The following PTPRN2 variants were observed in gnomAD, a reference collection of about 807,000 sequenced individuals.
The protein encoded by PTPRN2 is protein tyrosine phosphatase receptor type N2.
A neutral mutation model predicts 118.8 loss-of-function variants in PTPRN2; 74 were observed. That is an observed-to-expected ratio of 0.62 (90% CI 0.52 to 0.76). The LOEUF (loss-of-function observed/expected upper bound fraction) is 0.76, where lower values mean the gene tolerates loss of function less well. Ranked by LOEUF, PTPRN2 falls within the 30% of genes least tolerant of loss-of-function variation. PTPRN2 has a pLI of 0.00. For synonymous variants in PTPRN2, 641 were observed against 608.0 expected (o/e 1.05, Z -0.80); for missense variants, 1,481 against 1,394.4 (o/e 1.06, Z -0.99).
intron 5 of PTPRN2, among the ~76,000 whole-genome samples, chr7:158,188,699 A>C (rs1394650425): frequency 7.9e-6 from 1 of 126,620 alleles, no homozygotes; most frequent in Non-Finnish European, 1.6e-5. Context: ...AAAGGCCGCC[A>C]CGCCCGCCCC....
intron 4 of PTPRN2, 42 bp from the exon 5 acceptor site, chr7:158,192,537 T>A (rs910406154): frequency 1.3e-6 from 2 of 1,554,020 alleles, no homozygotes; most frequent in Non-Finnish European, 1.7e-6. Flanking sequence ...GCATGTTTGC[T>A]GGTGCCTGGA....
chr7:157,758,414 T>C (rs1290629734), intron 12 of PTPRN2, among the ~76,000 whole-genome samples: 2 of 151,988 alleles, frequency 1.3e-5, no homozygotes, highest in Non-Finnish European at 2.9e-5. Context: ...GCGAGGTAGG[T>C]GGCACGAGGC....
At chr7:157,659,017 G>A (rs927382486) in intron 13 of PTPRN2, among the ~76,000 whole-genome samples, 4 of 151,650 alleles carry the variant, frequency 2.6e-5, no homozygotes, top group African/African-American at 7.3e-5. Context: ...CCGGGGTGCC[G>A]GCTTCCTTGT....
At chr7:158,105,472 C>A (rs1815610918) in intron 10 of PTPRN2, among the ~76,000 whole-genome samples, 1 of 151,350 alleles carries the variant, frequency 6.6e-6, no homozygotes, top group Admixed American at 6.6e-5. Flanking sequence ...GCTTCACCCT[C>A]ATCCCAGCTC....
chr7:158,314,578 G>A (rs1294544560), intron 3 of PTPRN2, among the ~76,000 whole-genome samples: 9 of 152,250 alleles, frequency 5.9e-5, no homozygotes, highest in African/African-American at 9.6e-5. Flanking sequence ...GGCCCAAGCC[G>A]CCCTGGAGGC....
chr7:158,097,226 G>A (rs1210872925), intron 10 of PTPRN2, among the ~76,000 whole-genome samples: 2 of 152,098 alleles, frequency 1.3e-5, no homozygotes, highest in African/African-American at 4.8e-5. Context: ...GGGTGGGAGA[G>A]GGGCAGGCAC....
chr7:158,245,898 G>A (rs1796216391), intron 3 of PTPRN2, among the ~76,000 whole-genome samples: 1 of 151,952 alleles, frequency 6.6e-6, no homozygotes, highest in South Asian at 2.1e-4. Context: ...TCACAGGCAT[G>A]GAGCTGGACA....
At chr7:158,398,349 G>A (rs1368734280) in intron 2 of PTPRN2, among the ~76,000 whole-genome samples, 1 of 152,194 alleles carries the variant, frequency 6.6e-6, no homozygotes. Context: ...TGCTGGCCTT[G>A]CCACAGGCAA....
At chr7:158,433,584 C>T (rs1816372369) in intron 2 of PTPRN2, among the ~76,000 whole-genome samples, 1 of 152,174 alleles carries the variant, frequency 6.6e-6, no homozygotes, top group Non-Finnish European at 1.5e-5. Context: ...GTAAGTTGGT[C>T]CTTCCTTCTG....
At chr7:158,475,009 C>T (rs533826447) in intron 2 of PTPRN2, among the ~76,000 whole-genome samples, 3 of 152,172 alleles carry the variant, frequency 2.0e-5, no homozygotes, top group Admixed American at 6.5e-5. Context: ...TGGTGGTCCT[C>T]GTTCAGCTCC....
In PTPRN2 at chr7:158,497,263, G is replaced by A. The variant is rs144460977; in HGVS notation, c.113-7478C>T. Among the ~76,000 whole-genome samples the A allele has an allele frequency of 2.1e-3, 266 of 129,368 alleles. 7 individuals are homozygous for A. The East Asian group carries it at 0.035, about 17-fold the overall frequency. The allele number at this position is 129,368 out of a possible 152,430, so 84.9% of individuals were successfully genotyped here. ...CCTGGGCTGCCAAGCAAGGGGCTCC[G>A]TTGGGTGACATGCAGCCCCACCTTG... On this transcript the variant is annotated intron_variant, in intron 1 of 22. Transcript: ENST00000389418.
At chr7:157,744,199 G>A (rs1163010750) in intron 12 of PTPRN2, among the ~76,000 whole-genome samples, 11 of 152,224 alleles carry the variant, frequency 7.2e-5, no homozygotes, top group Non-Finnish European at 1.6e-4. Context: ...AAGCGGGCGC[G>A]AGGTGGTCCA....
intron 12 of PTPRN2, among the ~76,000 whole-genome samples, chr7:157,804,256 A>G (rs1201826781): frequency 3.3e-5 from 5 of 152,236 alleles, no homozygotes; most frequent in Non-Finnish European, 7.3e-5. Flanking sequence ...AGCTCTTAAT[A>G]TCAGAGAGGA....
chr7:158,118,232 A>T (rs116996036), intron 9 of PTPRN2, among the ~76,000 whole-genome samples: 4,832 of 152,306 alleles, frequency 0.032, 120 homozygotes, highest in Non-Finnish European at 0.046. Flanking sequence ...ATGTATAAGG[A>T]TGCAATTTTG....
At chr7:158,097,716 G>A (rs937603374) in intron 10 of PTPRN2, among the ~76,000 whole-genome samples, 3 of 152,192 alleles carry the variant, frequency 2.0e-5, no homozygotes, top group Admixed American at 6.5e-5. Flanking sequence ...ACCCGGCTGC[G>A]GTCACTGCCG....
intron 19 of PTPRN2, among the ~76,000 whole-genome samples, chr7:157,573,134 C>T (rs1346727926): frequency 2.0e-5 from 3 of 152,240 alleles, no homozygotes; most frequent in South Asian, 2.1e-4. Flanking sequence ...GAATGGATAC[C>T]AGGCCTCAGG....
chr7:157,544,810 A>T (rs1044992420), intron 22 of PTPRN2, among the ~76,000 whole-genome samples: 8 of 152,138 alleles, frequency 5.3e-5, no homozygotes, highest in Admixed American at 3.9e-4. Flanking sequence ...GTGTCTGCTG[A>T]GGGTGTGTGC....
intron 12 of PTPRN2, among the ~76,000 whole-genome samples, chr7:157,766,841 G>T (rs1314609368): frequency 6.6e-6 from 1 of 152,110 alleles, no homozygotes; most frequent in Non-Finnish European, 1.5e-5. Flanking sequence ...CCTCCGTTGG[G>T]GCCTTCACCC....
chr7:157,581,988 C>T (rs1359913670), intron 17 of PTPRN2, among the ~76,000 whole-genome samples: 3 of 152,234 alleles, frequency 2.0e-5, no homozygotes, highest in Non-Finnish European at 4.4e-5. Context: ...ACTGCAGAGG[C>T]CGTGAGGATC....
Sources: gnomAD v4.1 joint callset for allele counts (sites outside exome capture counted in the v4.1 genomes callset) on GRCh38, gnomAD v4.1.1 for gene constraint, MANE v1.5 for transcripts, NCBI Gene and HGNC (gene_info 2026-07-23, HGNC 2026-07-21) for gene names.